FGF12: variants seen among roughly 807,000 people sequenced by gnomAD.
FGF12 encodes the protein fibroblast growth factor 12B.
In FGF12, 14 loss-of-function variants were observed where a neutral mutation model predicts 23.6. That is an observed-to-expected ratio of 0.59 (90% CI 0.39 to 0.93). The LOEUF (loss-of-function observed/expected upper bound fraction) is 0.93. Among genes scored for constraint, FGF12 ranks in the 40% least tolerant of loss-of-function variants. The pLI, the probability that FGF12 is intolerant of heterozygous loss-of-function variation, is 0.00. For synonymous variants in FGF12, 62 were observed against 77.3 expected, an observed-to-expected ratio of 0.80 and a Z score of 1.04; for missense variants, 175 against 217.8, an observed-to-expected ratio of 0.80 and a Z score of 1.24.
chr3:192,375,212 C>A (rs757396476), intron 2 of FGF12, among the ~76,000 whole-genome samples: 29 of 152,138 alleles, frequency 1.9e-4, no homozygotes, highest in Non-Finnish European at 3.5e-4. Flanking sequence ...TGGCTATAAT[C>A]ATTTTGCTTT....
At chr3:192,267,570 T>C (rs536421257) in intron 4 of FGF12, among the ~76,000 whole-genome samples, 1 of 152,296 alleles carries the variant, frequency 6.6e-6, no homozygotes, top group African/African-American at 2.4e-5. Context: ...ATCATCAATC[T>C]ATCTGTCATC....
chr3:192,201,643 T>A (rs2108662436), intron 4 of FGF12, among the ~76,000 whole-genome samples: 1 of 151,880 alleles, frequency 6.6e-6, no homozygotes, highest in Non-Finnish European at 1.5e-5. Flanking sequence ...CATCAGCCCA[T>A]AACTGTGGAA....
At chr3:192,673,663 T>G (rs1717217546) in intron 2 of FGF12, among the ~76,000 whole-genome samples, 1 of 151,114 alleles carries the variant, frequency 6.6e-6, no homozygotes, top group Admixed American at 6.6e-5. Flanking sequence ...CCTGTGATAG[T>G]CTGCTGATCA....
intron 4 of FGF12, among the ~76,000 whole-genome samples, chr3:192,200,843 A>T (rs980430591): frequency 3.3e-5 from 5 of 152,118 alleles, no homozygotes; most frequent in African/African-American, 1.2e-4. Context: ...TGTATTTTAT[A>T]TTATTTGTCA....
intron 2 of FGF12, among the ~76,000 whole-genome samples, chr3:192,599,064 G>C (rs1448762152): frequency 6.6e-6 from 1 of 151,980 alleles, no homozygotes; most frequent in Admixed American, 6.6e-5. Flanking sequence ...TGAACAATGA[G>C]AACACATGGA....
At chr3:192,239,970 A>G (rs997474802) in intron 4 of FGF12, among the ~76,000 whole-genome samples, 1 of 152,186 alleles carries the variant, frequency 6.6e-6, no homozygotes, top group African/African-American at 2.4e-5. Context: ...ATTAGACACT[A>G]TGGGTGCAGG....
In FGF12 at chr3:192,450,135, A is replaced by T. The variant is rs149515096; in HGVS notation, c.14-89597T>A. ...CCAAGACCAAAACCAAGACCTTCTAAATCTAAAAATCCCATTTTTCCCACT... is the reference window on the plus strand; with the variant it reads ...CCAAGACCAAAACCAAGACCTTCTATATCTAAAAATCCCATTTTTCCCACT... On this transcript the variant is annotated intron_variant, in intron 2 of 5. Transcript: ENST00000445105. Among the ~76,000 whole-genome samples, 279 of 152,302 alleles carry T rather than the reference A, an allele frequency of 1.8e-3. 1 individual carries two copies. The highest frequency in any genetic ancestry group is 6.3e-3 in the African/African-American group (260 of 41,566).
intron 4 of FGF12, among the ~76,000 whole-genome samples, chr3:192,331,572 A>G (rs937371270): frequency 9.2e-5 from 14 of 152,160 alleles, no homozygotes; most frequent in Admixed American, 3.3e-4. Flanking sequence ...ACATTACGCT[A>G]AGTGAAATAA....
intron 5 of FGF12, among the ~76,000 whole-genome samples, chr3:192,160,757 A>G (rs1020066247): frequency 6.6e-6 from 1 of 152,150 alleles, no homozygotes; most frequent in South Asian, 2.1e-4. Flanking sequence ...ATTCCTATCT[A>G]CTATGCTACA....
Position 192,699,016 on chromosome 3 carries a change from C to T in FGF12, c.13+28165G>A, listed in dbSNP as rs140268014. On this transcript the variant is annotated intron_variant, in intron 2 of 5. Transcript: ENST00000445105. ...TTATATGTCATGAAAGAGTTGTCTTCCCTCTTTCTGTATAAAGATATGGGT... is the reference window on the plus strand; with the variant it reads ...TTATATGTCATGAAAGAGTTGTCTTTCCTCTTTCTGTATAAAGATATGGGT... 7.9e-5 allele frequency among the ~76,000 whole-genome samples: 12 copies of T among 152,298 alleles called. No individual in the cohort carries two copies. In the East Asian group the frequency reaches 2.3e-3, roughly 29 times the overall value.
intron 4 of FGF12, among the ~76,000 whole-genome samples, chr3:192,175,756 C>G (rs1380015095): frequency 6.6e-6 from 1 of 152,102 alleles, no homozygotes; most frequent in South Asian, 2.1e-4. Context: ...CTACGTAAGC[C>G]CAACATGATC....
chr3:192,659,525 A>G (rs540084132), intron 2 of FGF12, among the ~76,000 whole-genome samples: 1 of 152,220 alleles, frequency 6.6e-6, no homozygotes, highest in Non-Finnish European at 1.5e-5. Context: ...TATTACAATA[A>G]GAAAATACAA....
intron 2 of FGF12, among the ~76,000 whole-genome samples, chr3:192,719,171 A>G (rs748970621): frequency 2.6e-5 from 4 of 152,212 alleles, no homozygotes; most frequent in Non-Finnish European, 5.9e-5. Flanking sequence ...TGTGTATTTT[A>G]TGCCTCAGTG....
rs1426659371 is a variant in FGF12, at chr3:192,378,118, TTTG to T, written c.14-17583_14-17581del. 2.9e-3 allele frequency among the ~76,000 whole-genome samples: 126 copies of T among 44,074 alleles called. 9 individuals carry two copies. The highest frequency in any genetic ancestry group is 3.4e-3 in the Non-Finnish European group (72 of 21,008). 28.9% of individuals were successfully genotyped at this position (44,074 alleles called of 152,430 possible). A position where few individuals can be genotyped will look rare whatever the true frequency, so the allele number is the denominator to read the frequency against. On this transcript the variant is annotated intron_variant, in intron 2 of 5. Transcript: ENST00000445105. Reference sequence around the variant, plus strand: ...TCTTCTTTCTTTCCTTCTTTCTCTCTTTGTTTTTTTTTCTCAGTGTCTCACTCT... The same window carrying T: ...TCTTCTTTCTTTCCTTCTTTCTCTCTTTTTTTTTTCTCAGTGTCTCACTCT...
Position 192,323,523 on chromosome 3 carries a change from T to TGGAGTTAGAGAGTAGAATGATGCTTACC in FGF12, c.228+11810_228+11837dup, listed in dbSNP as rs1421340401. On this transcript the variant is annotated intron_variant, in intron 4 of 5. Transcript: ENST00000445105. ...TTAAAAATTAAAGCAATTGCACACA[T>TGGAGTTAGAGAGTAGAATGATGCTTACC]GGAGTTAGAGAGTAGAATGATGCTT... Among the ~76,000 whole-genome samples the TGGAGTTAGAGAGTAGAATGATGCTTACC allele has an allele frequency of 1.3e-4, 20 of 152,032 alleles. No individual in the cohort carries two copies. The East Asian group carries it at 3.3e-3, about 25-fold the overall frequency.
At chr3:192,547,800 C>T (rs1014470849) in intron 2 of FGF12, among the ~76,000 whole-genome samples, 6 of 152,126 alleles carry the variant, frequency 3.9e-5, no homozygotes, top group African/African-American at 7.2e-5. Flanking sequence ...TCAGTCACTG[C>T]GATAAAAATT....
intron 4 of FGF12, among the ~76,000 whole-genome samples, chr3:192,298,664 T>G (rs1049194900): frequency 1.3e-5 from 2 of 152,144 alleles, no homozygotes; most frequent in African/African-American, 4.8e-5. Context: ...GCAGAATCAC[T>G]TGAACCCAGG....
At chr3:192,301,780 G>A (rs957615827) in intron 4 of FGF12, among the ~76,000 whole-genome samples, 2 of 152,110 alleles carry the variant, frequency 1.3e-5, no homozygotes, top group Non-Finnish European at 2.9e-5. Context: ...CAGAAATTGG[G>A]TAGATTCTCC....
chr3:192,358,280 T>A (rs897243953), intron 3 of FGF12, among the ~76,000 whole-genome samples: 1 of 152,048 alleles, frequency 6.6e-6, no homozygotes, highest in African/African-American at 2.4e-5. Context: ...TAATTAATTT[T>A]AAAGCTAGTG....
Sources: allele counts gnomAD v4.1 joint callset (sites outside exome capture counted in the v4.1 genomes callset), GRCh38; gene constraint gnomAD v4.1.1; transcripts MANE v1.5; gene names NCBI Gene and HGNC (gene_info 2026-07-23, HGNC 2026-07-21).